The following EBAG9 variants were observed in gnomAD, a reference collection of about 807,000 sequenced individuals.
EBAG9 encodes the protein receptor-binding cancer antigen expressed on SiSo cells.
In EBAG9, 16 loss-of-function variants were observed where a neutral mutation model predicts 30.9. The ratio of observed to expected loss-of-function variants is 0.52; its 90% CI spans 0.35 to 0.79. The LOEUF is 0.79. Ranked by LOEUF, EBAG9 falls within the 30% of genes least tolerant of loss-of-function variation. EBAG9 has a pLI of 0.01. For missense variants in EBAG9, 197 were observed against 242.1 expected (o/e 0.81, Z 1.24); for synonymous variants, 93 against 82.8 (o/e 1.12, Z -0.67).
chr8:109,557,831 A>G (rs2844232), intron 5 of EBAG9: 237,591 of 351,912 alleles, frequency 0.68, 82,621 homozygotes, highest in African/African-American at 0.89. Flanking sequence ...AATTAATGCT[A>G]TTTGTTTGCA....
At chr8:109,560,719 T>C in intron 5 of EBAG9, 119 bp from the exon 6 acceptor site, 1 of 701,458 alleles carries the variant, frequency 1.4e-6, no homozygotes, top group Non-Finnish European at 2.4e-6. Context: ...GTAAGGAAGC[T>C]GAGAAGACAT....
intron 6 of EBAG9, 151 bp downstream of exon 6, chr8:109,561,080 A>G (rs1821701888): frequency 3.2e-6 from 2 of 620,874 alleles, no homozygotes; most frequent in African/African-American, 1.9e-5. Flanking sequence ...TGTATTTCAG[A>G]CTGCAGATAC....
rs1344762363 is a variant in EBAG9, at chr8:109,565,077, T to C, written c.*518T>C. On this transcript the variant is annotated 3_prime_UTR_variant, in exon 7 of 7. Transcript: ENST00000337573. Reference sequence around the variant, plus strand: ...CATTCCCTCTAATTTGAACTGGTATTGTTTACGTTTGATACAACATTAAGG... The same window carrying C: ...CATTCCCTCTAATTTGAACTGGTATCGTTTACGTTTGATACAACATTAAGG... The C allele has an allele frequency of 6.6e-6, 1 of 152,554 alleles. No individual in the cohort carries two copies. The highest frequency in any genetic ancestry group is 6.6e-5 in the Admixed American group (1 of 15,258). 9.5% of individuals were successfully genotyped at this position (152,554 alleles called of 1,614,324 possible). A position where few individuals can be genotyped will look rare whatever the true frequency, so the allele number is the denominator to read the frequency against.
chr8:109,544,342 T>G (rs1383428604), intron 1 of EBAG9, among the ~76,000 whole-genome samples: 1 of 152,202 alleles, frequency 6.6e-6, no homozygotes, highest in Non-Finnish European at 1.5e-5. Flanking sequence ...TGTTTTTTCT[T>G]TTTGTTTTAA....
At chr8:109,555,346 G>C (rs1821577999) in intron 4 of EBAG9, among the ~76,000 whole-genome samples, 1 of 152,086 alleles carries the variant, frequency 6.6e-6, no homozygotes, top group Non-Finnish European at 1.5e-5. Context: ...GTATTCTATG[G>C]TGTATATGTG....
At chr8:109,555,504 T>A (rs1563656162) in intron 4 of EBAG9, among the ~76,000 whole-genome samples, 1 of 152,190 alleles carries the variant, frequency 6.6e-6, no homozygotes, top group Non-Finnish European at 1.5e-5. Context: ...TATATTTATA[T>A]ATGTATCGAA....
At position 109,557,034 on chromosome 8, in the gene EBAG9, C is replaced by G. The variant is rs1285698538; in HGVS notation, c.421C>G (p.His141Asp). 1 of 1,600,062 alleles carries G rather than the reference C, an allele frequency of 6.2e-7. No homozygotes were observed. The highest frequency in any genetic ancestry group is 1.1e-5 in the South Asian group (1 of 89,632). ...LAATQDLPFI[H>D]QSSELGDLDT... ...AGCTACACAAGATCTGCCTTTTATT[C>G]ATCAGTCTGTAAGTATGTTAATGGT... Residue 141 changes from histidine to aspartate, a missense_variant, in exon 5 of 7, where the codon CAT becomes GAT. Physicochemically the swap from His to Asp is moderately conservative, Grantham distance 81 (BLOSUM62 -1). Coordinates refer to ENST00000337573, the MANE Select transcript of EBAG9 (RefSeq NM_004215.5).
chr8:109,553,574 C>G (rs1260106775), intron 2 of EBAG9, among the ~76,000 whole-genome samples: 1 of 152,150 alleles, frequency 6.6e-6, no homozygotes, highest in Non-Finnish European at 1.5e-5. Flanking sequence ...GCTCTGAAAC[C>G]GTCTTGCATT....
In EBAG9 at chr8:109,562,928, G is replaced by A. The variant is rs1322314333; in HGVS notation, c.522-1511G>A. On this transcript the variant is annotated intron_variant, in intron 6 of 6. Transcript: ENST00000337573. ...CGGATTTTTGTATTTGGGATGCTCAGCCCTTATATTATTTCAGCTAGTAAC... is the reference window on the plus strand; with the variant it reads ...CGGATTTTTGTATTTGGGATGCTCAACCCTTATATTATTTCAGCTAGTAAC... 2.0e-5 allele frequency among the ~76,000 whole-genome samples: 3 copies of A among 151,832 alleles called. No individual in the cohort carries two copies. The East Asian group carries it at 5.8e-4, about 29-fold the overall frequency.
chr8:109,541,060 G>A (rs1211044044), intron 1 of EBAG9, among the ~76,000 whole-genome samples: 1 of 151,048 alleles, frequency 6.6e-6, no homozygotes, highest in East Asian at 1.9e-4. Context: ...TTTTTTTTCC[G>A]TTAACATGGC....
At chr8:109,557,423 G>A (rs1472837592) in intron 5 of EBAG9, among the ~76,000 whole-genome samples, 2 of 152,110 alleles carry the variant, frequency 1.3e-5, no homozygotes, top group East Asian at 3.9e-4. Flanking sequence ...ATTTTAAACG[G>A]TTTGACTTAA....
chr8:109,562,668 A>G (rs1487658624), intron 6 of EBAG9, among the ~76,000 whole-genome samples: 3 of 151,544 alleles, frequency 2.0e-5, no homozygotes, highest in Non-Finnish European at 4.4e-5. Flanking sequence ...CTATCTCGTA[A>G]GTTGTCTCTT....
Position 109,564,637 on chromosome 8 carries a change from G to GT in EBAG9, c.*79dup. On this transcript the variant is annotated 3_prime_UTR_variant, in exon 7 of 7. Transcript: ENST00000337573. The stretch of plus-strand genomic sequence containing the variant: ...AAGCAACATTTGTATGGATTTAAGA[G>GT]TATTTTAAGAAGACATACTGCTTGA... The GT allele has an allele frequency of 6.4e-7, 1 of 1,570,202 alleles. No homozygotes were observed. Among genetic ancestry groups the GT allele is most frequent in the Non-Finnish European group, 8.6e-7 (1 of 1,156,484 alleles).
At chr8:109,558,912 T>C (rs1821657665) in intron 5 of EBAG9, among the ~76,000 whole-genome samples, 1 of 152,308 alleles carries the variant, frequency 6.6e-6, no homozygotes, top group South Asian at 2.1e-4. Context: ...GTTGGGCAGG[T>C]GTATTTAGTT....
chr8:109,553,091 A>T (rs573521937), intron 2 of EBAG9, among the ~76,000 whole-genome samples: 2 of 151,892 alleles, frequency 1.3e-5, no homozygotes, highest in Non-Finnish European at 2.9e-5. Context: ...AGATTATTTG[A>T]AGTGAAGTAA....
chr8:109,553,927 C>T lies in EBAG9; in HGVS notation c.146C>T (p.Ser49Leu), dbSNP rs1487806178. The T allele has an allele frequency of 6.2e-7, 1 of 1,608,392 alleles. No homozygotes were observed. The highest frequency in any genetic ancestry group is 1.7e-5 in the Admixed American group (1 of 58,952). Reference protein sequence around the residue: ...QITLPTTVDYSSVPKQTDVEE... With the variant: ...QITLPTTVDYLSVPKQTDVEE... ...ACTTTGCCAACTACAGTTGATTATT[C>T]ATCAGTTCCTAAGCAGGTAGGTTTT... Residue 49 changes from serine (S) to leucine (L), a missense_variant, in exon 3 of 7, where the codon TCA becomes TTA. Physicochemically the swap from Ser to Leu is moderately radical, Grantham distance 145 (BLOSUM62 -2). Transcript: ENST00000337573.
intron 5 of EBAG9, among the ~76,000 whole-genome samples, chr8:109,560,604 A>G (rs536630664): frequency 3.7e-4 from 56 of 152,298 alleles, no homozygotes; most frequent in African/African-American, 1.1e-3. Flanking sequence ...CCCATGAAAC[A>G]TAAAGAAGAA....
intron 2 of EBAG9, among the ~76,000 whole-genome samples, chr8:109,552,863 AG>A (rs1436006548): frequency 6.6e-6 from 1 of 152,106 alleles, no homozygotes; most frequent in Non-Finnish European, 1.5e-5. Flanking sequence ...TGGGAGGCCG[AG>A]GGGGTAGGAT....
At chr8:109,541,432 A>G (rs932193211) in intron 1 of EBAG9, among the ~76,000 whole-genome samples, 2 of 152,152 alleles carry the variant, frequency 1.3e-5, no homozygotes, top group African/African-American at 4.8e-5. Flanking sequence ...AGTGAATCTA[A>G]GTCTGTCAAC....
Sources: allele counts gnomAD v4.1 joint callset (sites outside exome capture counted in the v4.1 genomes callset), GRCh38; gene constraint gnomAD v4.1.1; transcripts MANE v1.5; gene names NCBI Gene and HGNC (gene_info 2026-07-23, HGNC 2026-07-21).